SLC30A9: variants seen among roughly 807,000 people sequenced by gnomAD.
SLC30A9 encodes solute carrier family 30 member 9, also known as proton-coupled zinc antiporter SLC30A9, mitochondrial.
In SLC30A9, 58 loss-of-function variants were observed where a neutral mutation model predicts 87.5. The observed-to-expected ratio is 0.66, with a 90% confidence interval of 0.54 to 0.82. The LOEUF (loss-of-function observed/expected upper bound fraction) is 0.82. Among genes scored for constraint, SLC30A9 ranks in the 40% least tolerant of loss-of-function variants. SLC30A9 has a pLI of 0.00. For synonymous variants in SLC30A9, 234 were observed against 233.0 expected, an observed-to-expected ratio of 1.00 and a Z score of -0.04; for missense variants, 557 against 679.1, an observed-to-expected ratio of 0.82 and a Z score of 2.00.
chr4:42,017,811 A>G (rs765029202), intron 2 of SLC30A9, among the ~76,000 whole-genome samples: 17 of 152,138 alleles, frequency 1.1e-4, no homozygotes, highest in Admixed American at 2.0e-4. Flanking sequence ...TACCCTTTAA[A>G]GAAATTCCTA....
intron 8 of SLC30A9, among the ~76,000 whole-genome samples, chr4:42,040,477 T>C (rs1156257944): frequency 6.6e-6 from 1 of 152,094 alleles, no homozygotes; most frequent in Non-Finnish European, 1.5e-5. Flanking sequence ...ACCTGAGGAA[T>C]GTATGTATAT....
chr4:42,052,919 C>A (rs1717439726), intron 9 of SLC30A9, among the ~76,000 whole-genome samples: 1 of 152,154 alleles, frequency 6.6e-6, no homozygotes, highest in South Asian at 2.1e-4. Context: ...TGAAAGACAT[C>A]CTTAAGGAAA....
intron 7 of SLC30A9, 62 bp from the exon 8 acceptor site, chr4:42,038,924 C>A (rs1284675254): frequency 1.9e-6 from 2 of 1,065,540 alleles, no homozygotes; most frequent in Non-Finnish European, 2.9e-6. Flanking sequence ...TCAAAGCCAC[C>A]AGTTACAGTG....
intron 11 of SLC30A9, 138 bp from the exon 12 acceptor site, chr4:42,065,172 G>A: frequency 1.6e-6 from 1 of 629,882 alleles, no homozygotes; most frequent in East Asian, 2.9e-5. Flanking sequence ...CCTCATTTGA[G>A]TTGTTTCCCA....
chr4:42,043,737 C>T (rs900496046), intron 8 of SLC30A9, among the ~76,000 whole-genome samples: 8 of 152,070 alleles, frequency 5.3e-5, no homozygotes, highest in African/African-American at 1.7e-4. Flanking sequence ...AGACAGTCCT[C>T]GAGAAGAGCA....
intron 8 of SLC30A9, among the ~76,000 whole-genome samples, chr4:42,040,795 C>CAAAAAAAAAAAAAAAA (rs755795146): frequency 1.2e-4 from 1 of 8,374 alleles, no homozygotes; most frequent in African/African-American, 4.0e-4. Context: ...GACTCTGTCT[C>CAAAAAAAAAAAAAAAA]AAAAAAAAAA....
chr4:42,036,871 T>C (rs1044710341), intron 7 of SLC30A9, among the ~76,000 whole-genome samples: 3 of 152,206 alleles, frequency 2.0e-5, no homozygotes, highest in Non-Finnish European at 2.9e-5. Context: ...GCTATTGCCA[T>C]TGCCTCTTGT....
At chr4:41,994,343 A>C (rs1012873712) in intron 1 of SLC30A9, among the ~76,000 whole-genome samples, 1 of 152,088 alleles carries the variant, frequency 6.6e-6, no homozygotes, top group Non-Finnish European at 1.5e-5. Context: ...TAAAGAATAA[A>C]AATGTTACTT....
rs533470649 is a variant in SLC30A9 at position 42,015,562 on chromosome 4, A to G, written c.275-2549A>G. ...TCATTCCATGTTTTCAGAGACTTAT[A>G]TTCTGGATCCCCTACTACCCCATCT... is the stretch of plus-strand genomic sequence containing the variant. On this transcript the variant is annotated intron_variant, in intron 2 of 17. Coordinates refer to ENST00000264451, the MANE Select transcript of SLC30A9 (RefSeq NM_006345.4). Among the ~76,000 whole-genome samples, 11 of 152,306 alleles carry G rather than the reference A, an allele frequency of 7.2e-5. No individual in the cohort carries two copies. The South Asian group carries it at 1.4e-3, about 20-fold the overall frequency.
intron 13 of SLC30A9, 145 bp downstream of exon 13, chr4:42,066,766 C>G (rs1487883082): frequency 3.5e-6 from 2 of 566,534 alleles, no homozygotes; most frequent in Non-Finnish European, 6.1e-6. Flanking sequence ...TCCTTCAGCC[C>G]TTATTAAAAA....
At chr4:42,039,098 T>C (rs1362043594) in intron 8 of SLC30A9, 45 bp downstream of exon 8, 1 of 1,290,980 alleles carries the variant, frequency 7.7e-7, no homozygotes, top group Non-Finnish European at 1.1e-6. Flanking sequence ...TATATTCTTT[T>C]AAATATGTAT....
At chr4:42,016,811 A>G (rs77278224) in intron 2 of SLC30A9, among the ~76,000 whole-genome samples, 92,147 of 152,006 alleles carry the variant, frequency 0.61, 33,352 homozygotes, top group East Asian at 0.95. Context: ...CTATCTATCT[A>G]TCTATCTATC....
At chr4:41,999,927 T>C (rs1714905543) in intron 1 of SLC30A9, among the ~76,000 whole-genome samples, 1 of 152,176 alleles carries the variant, frequency 6.6e-6, no homozygotes, top group South Asian at 2.1e-4. Context: ...TATTTATGGA[T>C]GAAATTATAT....
chr4:42,005,666 T>A (rs780711321), intron 2 of SLC30A9, among the ~76,000 whole-genome samples: 2 of 152,338 alleles, frequency 1.3e-5, no homozygotes, highest in African/African-American at 2.4e-5. Flanking sequence ...CTGGCTTTGA[T>A]ATGTTCATTT....
rs1717304783 is a variant in SLC30A9 at position 42,049,532 on chromosome 4, T to C, written c.840+53T>C. 40 of 950,878 alleles carry C rather than the reference T, an allele frequency of 4.2e-5. No homozygotes were observed. In the South Asian group the frequency reaches 6.9e-4, roughly 16 times the overall value. 58.9% of individuals were successfully genotyped at this position (950,878 alleles called of 1,614,324 possible). A position where few individuals can be genotyped will look rare whatever the true frequency, so the allele number is the denominator to read the frequency against. ...CAATTTTAAAGTAATAGTTGTAGGC[T>C]TTAATCTAAAAGTTGATCTATTTTA... On this transcript the variant is annotated intron_variant, in intron 9 of 17. Coordinates refer to ENST00000264451, the MANE Select transcript of SLC30A9 (RefSeq NM_006345.4).
intron 9 of SLC30A9, among the ~76,000 whole-genome samples, chr4:42,056,743 C>T (rs1022327044): frequency 6.6e-6 from 1 of 152,192 alleles, no homozygotes; most frequent in African/African-American, 2.4e-5. Flanking sequence ...TCATCTAAGA[C>T]AAGGCAAGTC....
chr4:42,054,862 C>T (rs1717539177), intron 9 of SLC30A9, among the ~76,000 whole-genome samples: 2 of 151,866 alleles, frequency 1.3e-5, no homozygotes, highest in Admixed American at 6.6e-5. Flanking sequence ...TTCTAAAAAG[C>T]CTAGTTTTTA....
At chr4:42,013,596 T>C (rs780804990) in intron 2 of SLC30A9, among the ~76,000 whole-genome samples, 40 of 152,136 alleles carry the variant, frequency 2.6e-4, no homozygotes, top group Non-Finnish European at 5.0e-4. Flanking sequence ...TCCATAGATA[T>C]ACAGTGAGCT....
At chr4:42,044,611 A>C (rs1717067340) in intron 8 of SLC30A9, among the ~76,000 whole-genome samples, 1 of 152,198 alleles carries the variant, frequency 6.6e-6, no homozygotes, top group Non-Finnish European at 1.5e-5. Flanking sequence ...CCACACAGGA[A>C]TAGTGGGACA....
Sources: gnomAD v4.1 joint callset for allele counts (sites outside exome capture counted in the v4.1 genomes callset) on GRCh38, gnomAD v4.1.1 for gene constraint, MANE v1.5 for transcripts, NCBI Gene and HGNC (gene_info 2026-07-23, HGNC 2026-07-21) for gene names.